Variants in DCC observed in about 807,000 individuals in gnomAD.
DCC encodes netrin receptor DCC.
In DCC, 58 loss-of-function variants were observed where a neutral mutation model predicts 172.5. The ratio of observed to expected loss-of-function variants is 0.34; its 90% confidence interval spans 0.27 to 0.42. The LOEUF (loss-of-function observed/expected upper bound fraction) is 0.42, where lower values mean the gene tolerates loss of function less well. Ranked by LOEUF, DCC falls within the 10% of genes least tolerant of loss-of-function variation. The probability of loss-of-function intolerance (pLI) is 1.00; values close to 1 mark genes in which losing one functional copy is unlikely to be tolerated. For missense variants in DCC, 1,740 were observed against 1,791.0 expected, an observed-to-expected ratio of 0.97 and a Z score of 0.51; for synonymous variants, 709 against 644.5, an observed-to-expected ratio of 1.10 and a Z score of -1.52.
intron 7 of DCC, among the ~76,000 whole-genome samples, chr18:53,129,137 T>A (rs1394563087): frequency 2.0e-5 from 3 of 151,956 alleles, no homozygotes; most frequent in Non-Finnish European, 4.4e-5. Context: ...TCTTCACACC[T>A]CAGCCTCCCA....
chr18:52,790,957 A>G (rs1479762432), intron 2 of DCC, among the ~76,000 whole-genome samples: 1 of 152,190 alleles, frequency 6.6e-6, no homozygotes, highest in Non-Finnish European at 1.5e-5. Flanking sequence ...ATGAGAATGG[A>G]AGTTGAACCC....
chr18:53,118,161 C>T (rs1372428337), intron 7 of DCC, among the ~76,000 whole-genome samples: 1 of 151,648 alleles, frequency 6.6e-6, no homozygotes, highest in Non-Finnish European at 1.5e-5. Flanking sequence ...TTTTATCAAA[C>T]AAAAGACAAA....
Position 52,342,178 on chromosome 18 carries a change from C to G in DCC, c.91+1300C>G, listed in dbSNP as rs562516089. On this transcript the variant is annotated intron_variant, in intron 1 of 28. Coordinates refer to ENST00000442544, the MANE Select transcript of DCC (RefSeq NM_005215.4). ...GCCCGAGGCTCCCCAAAGCCTCGCT[C>G]GGCCGCACGCGGGCAGGAATCTGCG... Among the ~76,000 whole-genome samples the G allele has an allele frequency of 5.3e-5, 8 of 152,320 alleles. No homozygotes were observed. The East Asian group carries it at 1.6e-3, about 30-fold the overall frequency.
intron 2 of DCC, among the ~76,000 whole-genome samples, chr18:52,875,196 T>C (rs1199634019): frequency 6.6e-6 from 1 of 151,246 alleles, no homozygotes; most frequent in Non-Finnish European, 1.5e-5. Context: ...CAAAACAATA[T>C]AATAAACAAA....
intron 5 of DCC, among the ~76,000 whole-genome samples, chr18:53,050,139 C>T (rs1180529301): frequency 1.3e-5 from 2 of 152,124 alleles, no homozygotes; most frequent in Non-Finnish European, 2.9e-5. Context: ...AGCAAGTCAG[C>T]TTCTTCCACC....
intron 5 of DCC, among the ~76,000 whole-genome samples, chr18:52,927,168 T>TATATATGTGTATATAC (rs1555682869): frequency 0.48 from 39,277 of 81,882 alleles, 14,145 homozygotes; most frequent in Middle Eastern, 0.61. Context: ...CGTATATATG[T>TATATATGTGTATATAC]GTATATATGT....
At chr18:52,819,818 A>C (rs1241458087) in intron 2 of DCC, among the ~76,000 whole-genome samples, 1 of 151,850 alleles carries the variant, frequency 6.6e-6, no homozygotes, top group Non-Finnish European at 1.5e-5. Context: ...TCCTGGGTTC[A>C]TGCCATTCTC....
chr18:53,098,678 A>G (rs920805509), intron 7 of DCC, among the ~76,000 whole-genome samples: 2 of 152,102 alleles, frequency 1.3e-5, no homozygotes, highest in African/African-American at 4.8e-5. Context: ...TTACTGCCAG[A>G]TTTCCCTACT....
In DCC at chr18:53,071,061, T is replaced by C. The variant is rs1290610596; in HGVS notation, c.1261+4895T>C. Among the ~76,000 whole-genome samples, 6 of 152,304 alleles carry C rather than the reference T, an allele frequency of 3.9e-5. No individual in the cohort carries two copies. In the South Asian group the frequency reaches 1.2e-3, roughly 32 times the overall value. ...TACCCAGCTGTTCAGCTTTAGCCTG[T>C]CCACAGGGGCTTGTGGCTGAGAGTT... On this transcript the variant is annotated intron_variant, in intron 7 of 28. Coordinates refer to ENST00000442544, the MANE Select transcript of DCC (RefSeq NM_005215.4).
chr18:52,612,072 TC>T (rs745626130), intron 1 of DCC, among the ~76,000 whole-genome samples: 1 of 152,176 alleles, frequency 6.6e-6, no homozygotes, highest in Admixed American at 6.5e-5. Context: ...TTGATGACTC[TC>T]CTGTTGATAT....
At chr18:53,035,717 G>A (rs1245329579) in intron 5 of DCC, among the ~76,000 whole-genome samples, 3 of 151,958 alleles carry the variant, frequency 2.0e-5, no homozygotes, top group Non-Finnish European at 2.9e-5. Context: ...ATCATGTAAC[G>A]GGGTAGTTGG....
At chr18:53,257,659 G>A (rs954753437) in intron 12 of DCC, among the ~76,000 whole-genome samples, 2 of 151,494 alleles carry the variant, frequency 1.3e-5, no homozygotes, top group African/African-American at 4.9e-5. Flanking sequence ...AGGGATATTG[G>A]TCTAGAATTC....
chr18:52,987,031 A>G (rs1391485700), intron 5 of DCC, among the ~76,000 whole-genome samples: 1 of 152,174 alleles, frequency 6.6e-6, no homozygotes, highest in Non-Finnish European at 1.5e-5. Flanking sequence ...CATGTTGGCC[A>G]GGCTGGCCTT....
chr18:53,485,429 T>G lies in DCC; in HGVS notation c.3737-1368T>G, dbSNP rs539186539. ...GGAAAATTGAAATATCACTTAGATC[T>G]TCACTAAAGCAATTTTTGTTGAAAT... On this transcript the variant is annotated intron_variant, in intron 25 of 28. Transcript: ENST00000442544. Among the ~76,000 whole-genome samples, 54 of 152,240 alleles carry G rather than the reference T, an allele frequency of 3.5e-4. No homozygotes were observed. In the South Asian group the frequency reaches 0.011, roughly 32 times the overall value.
At chr18:52,954,581 G>A (rs1408253019) in intron 5 of DCC, among the ~76,000 whole-genome samples, 1 of 152,102 alleles carries the variant, frequency 6.6e-6, no homozygotes, top group Non-Finnish European at 1.5e-5. Context: ...TTTGAGAAAG[G>A]TCTTATGGTT....
At chr18:52,454,142 A>G (rs1598831194) in intron 1 of DCC, among the ~76,000 whole-genome samples, 1 of 151,966 alleles carries the variant, frequency 6.6e-6, no homozygotes, top group Admixed American at 6.5e-5. Flanking sequence ...AGTAAAAAAT[A>G]TATATCTACA....
intron 2 of DCC, among the ~76,000 whole-genome samples, chr18:52,894,143 G>A (rs930426429): frequency 6.6e-5 from 10 of 152,044 alleles, no homozygotes; most frequent in Non-Finnish European, 1.5e-5. Flanking sequence ...CATTTCTGAA[G>A]CTCTTTTCTG....
chr18:52,728,173 G>GTCTCTCTCTCTCTCTCTC (rs5824956), intron 1 of DCC, among the ~76,000 whole-genome samples: 1 of 149,044 alleles, frequency 6.7e-6, no homozygotes, highest in African/African-American at 2.5e-5. Flanking sequence ...TGTGGGCCCC[G>GTCTCTCTCTCTCTCTCTC]TCTCTCTCTC....
At chr18:52,867,109 AG>A (rs2039240462) in intron 2 of DCC, among the ~76,000 whole-genome samples, 1 of 152,210 alleles carries the variant, frequency 6.6e-6, no homozygotes, top group Non-Finnish European at 1.5e-5. Context: ...ATTTTATCAA[AG>A]GCCTTTTCAG....
Sources: gnomAD v4.1 joint callset for allele counts (sites outside exome capture counted in the v4.1 genomes callset) on GRCh38, gnomAD v4.1.1 for gene constraint, MANE v1.5 for transcripts, NCBI Gene and HGNC (gene_info 2026-07-23, HGNC 2026-07-21) for gene names.